Variants in IPO11 observed in about 807,000 individuals in gnomAD.
The protein encoded by IPO11 is importin 11.
In IPO11, 66 loss-of-function variants were observed where a neutral mutation model predicts 143.2. The observed-to-expected ratio is 0.46, with a 90% CI of 0.38 to 0.57. The LOEUF (loss-of-function observed/expected upper bound fraction) is 0.57, where lower values mean the gene tolerates loss of function less well. Among genes scored for constraint, IPO11 ranks in the 20% least tolerant of loss-of-function variants. The pLI is 0.00. For missense variants in IPO11, 1,026 were observed against 1,141.0 expected, an observed-to-expected ratio of 0.90 and a Z score of 1.45; for synonymous variants, 385 against 377.8, an observed-to-expected ratio of 1.02 and a Z score of -0.22.
chr5:62,618,086 CTG>C (rs1746208826), intron 29 of IPO11, among the ~76,000 whole-genome samples: 1 of 152,078 alleles, frequency 6.6e-6, no homozygotes, highest in South Asian at 2.1e-4. Context: ...TTTACAAAAA[CTG>C]AGCATATTCT....
intron 1 of IPO11, among the ~76,000 whole-genome samples, chr5:62,434,883 G>A (rs1174941071): frequency 2.0e-5 from 3 of 151,274 alleles, no homozygotes; most frequent in Admixed American, 6.6e-5. Flanking sequence ...AAATTAGCTG[G>A]GCGTGGTGGC....
At chr5:62,545,278 C>T (rs1743127681) in intron 24 of IPO11, among the ~76,000 whole-genome samples, 2 of 152,176 alleles carry the variant, frequency 1.3e-5, no homozygotes, top group South Asian at 2.1e-4. Context: ...ATAACAGAGT[C>T]CTCAGAAATA....
At chr5:62,554,949 A>T (rs1266709756) in intron 26 of IPO11, among the ~76,000 whole-genome samples, 1 of 152,194 alleles carries the variant, frequency 6.6e-6, no homozygotes, top group African/African-American at 2.4e-5. Flanking sequence ...CCCTGACCTC[A>T]AGTGATCCAC....
intron 13 of IPO11, among the ~76,000 whole-genome samples, chr5:62,488,440 T>C (rs114389099): frequency 0.02 from 3,119 of 152,324 alleles, 49 homozygotes; most frequent in Non-Finnish European, 0.028. Flanking sequence ...GATTGACTTT[T>C]AGCAACCGAT....
intron 21 of IPO11, among the ~76,000 whole-genome samples, chr5:62,529,668 C>T (rs1251287934): frequency 1.3e-5 from 2 of 152,118 alleles, no homozygotes; most frequent in East Asian, 1.9e-4. Flanking sequence ...GAAGTAGACC[C>T]GTGTTGGGGG....
intron 24 of IPO11, 71 bp downstream of exon 24, chr5:62,537,360 T>G: frequency 9.7e-7 from 1 of 1,034,568 alleles, no homozygotes; most frequent in Non-Finnish European, 1.5e-6. Context: ...GGACTTTCAT[T>G]TGGATGGTTC....
At position 62,506,220 on chromosome 5, in the gene IPO11, TTTC is replaced by T. The variant is rs1222948090; in HGVS notation, c.1666-18_1666-16del. The T allele has an allele frequency of 3.7e-6, 5 of 1,354,482 alleles. No homozygotes were observed. The highest frequency in any genetic ancestry group is 5.2e-6 in the Non-Finnish European group (5 of 958,442). 83.9% of individuals were successfully genotyped at this position (1,354,482 alleles called of 1,614,324 possible). A position where few individuals can be genotyped will look rare whatever the true frequency, so the allele number is the denominator to read the frequency against. Reference sequence around the variant, plus strand: ...CATTTCTATTATAAACCTTTTTTATTTTCTTTCTTTTTACCTGCAGTATTTGGA... The same window carrying T: ...CATTTCTATTATAAACCTTTTTTATTTTTCTTTTTACCTGCAGTATTTGGA... On this transcript the variant is annotated intron_variant, in intron 18 of 29. Coordinates refer to ENST00000325324, the MANE Select transcript of IPO11 (RefSeq NM_016338.5).
intron 8 of IPO11, among the ~76,000 whole-genome samples, chr5:62,476,041 A>G (rs1159677306): frequency 1.3e-5 from 2 of 152,202 alleles, no homozygotes; most frequent in Non-Finnish European, 2.9e-5. Context: ...CTGTGGGCAG[A>G]CACTGTCCTG....
At chr5:62,616,222 A>G (rs188077539) in intron 29 of IPO11, among the ~76,000 whole-genome samples, 3 of 152,270 alleles carry the variant, frequency 2.0e-5, no homozygotes, top group Admixed American at 6.5e-5. Flanking sequence ...GGAAGCAGTT[A>G]ATCTGTAGGT....
intron 29 of IPO11, among the ~76,000 whole-genome samples, chr5:62,617,136 TAAG>T (rs1746171488): frequency 6.6e-6 from 1 of 152,182 alleles, no homozygotes; most frequent in Admixed American, 6.5e-5. Context: ...ATTAGAACAA[TAAG>T]GAGATACAAG....
intron 27 of IPO11, chr5:62,581,059 T>C (rs1450612136): frequency 2.6e-6 from 4 of 1,549,786 alleles, no homozygotes; most frequent in Non-Finnish European, 3.5e-6. Flanking sequence ...AGCTTGTGTT[T>C]TAATCATTTT....
chr5:62,609,906 G>A (rs1240783504), intron 29 of IPO11, among the ~76,000 whole-genome samples: 5 of 152,220 alleles, frequency 3.3e-5, no homozygotes, highest in Admixed American at 6.5e-5. Context: ...AGGTCAACTC[G>A]TAGTCACATG....
At chr5:62,502,679 A>G (rs1741387537) in intron 16 of IPO11, among the ~76,000 whole-genome samples, 1 of 152,098 alleles carries the variant, frequency 6.6e-6, no homozygotes, top group Non-Finnish European at 1.5e-5. Context: ...TCATTTACTT[A>G]TTTGCATAAA....
intron 1 of IPO11, among the ~76,000 whole-genome samples, chr5:62,430,823 G>T (rs917358488): frequency 6.6e-6 from 1 of 150,468 alleles, no homozygotes; most frequent in African/African-American, 2.5e-5. Context: ...GATTACAGGC[G>T]TGCACCATCA....
At chr5:62,418,631 C>T (rs1743384020) in intron 1 of IPO11, among the ~76,000 whole-genome samples, 1 of 152,142 alleles carries the variant, frequency 6.6e-6, no homozygotes, top group Non-Finnish European at 1.5e-5. Context: ...TAGTGGAGAC[C>T]TCTTTAAATA....
chr5:62,516,931 G>A (rs1483642374), intron 20 of IPO11, among the ~76,000 whole-genome samples: 1 of 151,866 alleles, frequency 6.6e-6, no homozygotes, highest in Non-Finnish European at 1.5e-5. Flanking sequence ...GGGCGTGGTG[G>A]CTCAAGCCTG....
chr5:62,577,727 G>C (rs1435545044), intron 27 of IPO11, among the ~76,000 whole-genome samples: 2 of 151,736 alleles, frequency 1.3e-5, no homozygotes, highest in African/African-American at 4.8e-5. Flanking sequence ...TGAATTTTTA[G>C]TCATAGAAAG....
chr5:62,566,145 G>A (rs1329242816), intron 27 of IPO11, among the ~76,000 whole-genome samples: 1 of 152,250 alleles, frequency 6.6e-6, no homozygotes, highest in East Asian at 1.9e-4. Flanking sequence ...TATATACCCA[G>A]TAATGAGATT....
intron 29 of IPO11, among the ~76,000 whole-genome samples, chr5:62,612,334 G>T (rs1745954657): frequency 6.6e-6 from 1 of 152,124 alleles, no homozygotes; most frequent in Non-Finnish European, 1.5e-5. Flanking sequence ...TGGTTTCAGA[G>T]TTCTTTTAAG....
Sources: allele counts gnomAD v4.1 joint callset (sites outside exome capture counted in the v4.1 genomes callset), GRCh38; gene constraint gnomAD v4.1.1; transcripts MANE v1.5; gene names NCBI Gene and HGNC (gene_info 2026-07-23, HGNC 2026-07-21).